Variants in ROBO4 observed in about 807,000 individuals in gnomAD.
The protein encoded by ROBO4 is roundabout guidance receptor 4, also known as roundabout homolog 4.
Under a neutral mutation model 103.3 loss-of-function variants are expected in ROBO4, and 80 were observed. The ratio of observed to expected loss-of-function variants is 0.77; its 90% CI spans 0.65 to 0.93. ROBO4 has a LOEUF of 0.93. Among genes scored for constraint, ROBO4 ranks in the 40% least tolerant of loss-of-function variants. The probability of loss-of-function intolerance (pLI) is 0.00; values close to 1 mark genes in which losing one functional copy is unlikely to be tolerated. For missense variants in ROBO4, 1,333 were observed against 1,305.3 expected, an observed-to-expected ratio of 1.02 and a Z score of -0.33; for synonymous variants, 504 against 529.7, an observed-to-expected ratio of 0.95 and a Z score of 0.67.
rs762540623 is a variant in ROBO4, at chr11:124,894,318, C to T, written c.1201G>A (p.Gly401Ser). Residue 401 changes from glycine to serine, a missense_variant, in exon 8 of 18, where the codon GGT (glycine) becomes AGT (serine). Coordinates refer to ENST00000306534, the MANE Select transcript of ROBO4 (RefSeq NM_019055.6). The part of the protein sequence containing the change: ...SLPPANWTVV[G>S]EQTQLEIATH... ...GCGATTTCCAGCTGGGTCTGCTCAC[C>T]AACTACAGTCCAGTTGGCTGGTGGC... 6 of 1,613,882 alleles carry T rather than the reference C, an allele frequency of 3.7e-6. No individual in the cohort carries two copies. In the Admixed American group the frequency reaches 6.7e-5, roughly 18 times the overall value.
At chr11:124,897,349 C>A in intron 1 of ROBO4, 88 bp from the exon 2 acceptor site, 2 of 1,045,302 alleles carry the variant, frequency 1.9e-6, no homozygotes, top group Non-Finnish European at 2.7e-6. Context: ...CTCTTGTGTG[C>A]GAGTTTGCCA....
intron 10 of ROBO4, chr11:124,892,166 C>G (rs1031580181): frequency 4.0e-5 from 17 of 422,626 alleles, no homozygotes; most frequent in Non-Finnish European, 6.9e-5. Flanking sequence ...GTAAGTACAT[C>G]CTCTCTAAGC....
At chr11:124,891,265 C>G in intron 12 of ROBO4, 34 bp downstream of exon 12, 1 of 1,499,878 alleles carries the variant, frequency 6.7e-7, no homozygotes, top group Non-Finnish European at 8.9e-7. Flanking sequence ...CGCCTACCAC[C>G]AGCTCAGTCT....
chr11:124,896,549 A>G lies in ROBO4; in HGVS notation c.522T>C (p.Asp174=). 3.1e-6 allele frequency: 5 copies of G among 1,614,116 alleles called. No individual in the cohort carries two copies. The highest frequency in any genetic ancestry group is 2.5e-6 in the Non-Finnish European group (3 of 1,180,012). ...CGGGCTGGAGGGCCAGGGGTTTCCCATCTTTCCACCATGAGACTGTGGGCT... is the reference window on the plus strand; with the variant it reads ...CGGGCTGGAGGGCCAGGGGTTTCCCGTCTTTCCACCATGAGACTGTGGGCT... ...HPEPTVSWWK[D]GKPLALQPGR... Residue 174 remains aspartate (D), a synonymous_variant, in exon 3 of 18, where the codon GAT becomes GAC. Transcript: ENST00000306534.
chr11:124,896,038 A>C lies in ROBO4; in HGVS notation c.680-126T>G, dbSNP rs868861945. On this transcript the variant is annotated intron_variant, in intron 4 of 17. Transcript: ENST00000306534. ...CTCCCAGAGTCTCCAGGTCTTGAGC[A>C]TTCCGATTTCTACTCTAGCAGGGGG... is the stretch of plus-strand genomic sequence containing the variant. The C allele has an allele frequency of 6.5e-6, 10 of 1,529,476 alleles. 1 individual carries two copies. In the African/African-American group the frequency reaches 1.2e-4, roughly 19 times the overall value. The allele number at this position is 1,529,476 out of a possible 1,614,324, so 94.7% of individuals were successfully genotyped here.
intron 11 of ROBO4, 41 bp downstream of exon 11, chr11:124,891,625 C>T (rs199850164): frequency 5.6e-6 from 9 of 1,614,102 alleles, no homozygotes; most frequent in Non-Finnish European, 6.8e-6. Flanking sequence ...CCTGAGATCA[C>T]TGCCCCCAGC....
chr11:124,895,959 A>G lies in ROBO4; in HGVS notation c.680-47T>C, dbSNP rs779336813. 5 of 1,608,458 alleles carry G rather than the reference A, an allele frequency of 3.1e-6. No homozygotes were observed. In the East Asian group the frequency reaches 8.9e-5, roughly 29 times the overall value. On this transcript the variant is annotated intron_variant, in intron 4 of 17. Transcript: ENST00000306534. ...GCTGGGGCTTATAGGCCAGAGTGAC[A>G]GAACTGAGGCGTGGAACATCCCTCA...
chr11:124,897,510 T>TTTCTTTCTCTCTCAGTCTCTCTTTCC (rs1224646605), intron 1 of ROBO4: 1 of 591,230 alleles, frequency 1.7e-6, no homozygotes, highest in African/African-American at 1.9e-5. Flanking sequence ...TCTCTCTTTC[T>TTTCTTTCTCTCTCAGTCTCTCTTTCC]TTCTTTCTCT....
chr11:124,891,352 G>A lies in ROBO4; in HGVS notation c.1895C>T (p.Ser632Phe), dbSNP rs1463214202. ...DSLCSRRGLS[S>F]PRLSLAPAEA... ...TGCAGGGGCCAGAGACAAGCGGGGAGAAGAGAGTCCCCTGCGGCTGCAGAG... is the reference window on the plus strand; with the variant it reads ...TGCAGGGGCCAGAGACAAGCGGGGAAAAGAGAGTCCCCTGCGGCTGCAGAG... The change falls in exon 12 of 18, where the codon TCT (serine) becomes TTT (phenylalanine). Residue 632 changes from serine to phenylalanine, a missense_variant. Transcript: ENST00000306534. The A allele has an allele frequency of 1.9e-6, 3 of 1,540,298 alleles. No homozygotes were observed. The highest frequency in any genetic ancestry group is 2.6e-6 in the Non-Finnish European group (3 of 1,145,014).
rs200862729 is a variant in ROBO4 at position 124,897,712 on chromosome 11, G to A, written c.70+14C>T. On this transcript the variant is annotated intron_variant, in intron 1 of 17. Coordinates refer to ENST00000306534, the MANE Select transcript of ROBO4 (RefSeq NM_019055.6). ...GATGGAGGAGCATGGGCCAGGAGAG[G>A]GAGAGCAACTCACCCATGATGAGCA... 1.1e-3 allele frequency: 1,762 copies of A among 1,613,340 alleles called. 2 individuals carry two copies. The highest frequency in any genetic ancestry group is 1.3e-3 in the Non-Finnish European group (1,568 of 1,179,316).
chr11:124,890,026 C>T (rs1395288212), intron 12 of ROBO4, among the ~76,000 whole-genome samples: 2 of 152,196 alleles, frequency 1.3e-5, no homozygotes. Flanking sequence ...TTCTTAAGAA[C>T]TGGCTGTAGA....
rs1202209086 is a variant in ROBO4, at chr11:124,896,597, A to C, written c.474T>G (p.Cys158Trp). 2.5e-6 allele frequency: 4 copies of C among 1,613,976 alleles called. No individual in the cohort carries two copies. The highest frequency in any genetic ancestry group is 3.4e-6 in the Non-Finnish European group (4 of 1,179,990). Reference sequence around the variant, plus strand: ...GCTCTGGGTGGCCCCAGGGCGGCCCACATTCCAGAGTAAACTGCTCACCCA... The same window carrying C: ...GCTCTGGGTGGCCCCAGGGCGGCCCCCATTCCAGAGTAAACTGCTCACCCA... Reference protein sequence around the residue: ...AVVGEQFTLECGPPWGHPEPT... With the variant: ...AVVGEQFTLEWGPPWGHPEPT... The change falls in exon 3 of 18, where the codon TGT (cysteine) becomes TGG (tryptophan). Residue 158 changes from cysteine to tryptophan, a missense_variant. Cys to Trp is a radical substitution (Grantham distance 215, BLOSUM62 -2). Transcript: ENST00000306534.
chr11:124,893,916 A>G lies in ROBO4; in HGVS notation c.1448T>C (p.Leu483Pro), dbSNP rs763094460. The part of the protein sequence containing the change: ...TCGVALWLLL[L>P]GTAVCIHRRR... ...GCGGTGGATACACACGGCGGTGCCC[A>G]GAAGCAGCAGCCAGAGTGCAACACC... is the stretch of plus-strand genomic sequence containing the variant. Residue 483 changes from leucine (L) to proline (P), a missense_variant, in exon 9 of 18, where the codon CTG (leucine) becomes CCG (proline). By Grantham distance (98) the Leu-to-Pro change is moderately conservative. Transcript: ENST00000306534. The G allele has an allele frequency of 5.6e-6, 9 of 1,612,008 alleles. No homozygotes were observed. In the East Asian group the frequency reaches 1.6e-4, roughly 28 times the overall value.
chr11:124,897,616 C>A, intron 1 of ROBO4, 110 bp downstream of exon 1: 1 of 877,792 alleles, frequency 1.1e-6, no homozygotes, highest in South Asian at 1.4e-5. Flanking sequence ...TCCTCATCCT[C>A]ATCTCTGGTC....
intron 12 of ROBO4, 118 bp from the exon 13 acceptor site, chr11:124,887,958 AG>A: frequency 2.6e-6 from 2 of 782,722 alleles, no homozygotes; most frequent in Non-Finnish European, 4.0e-6. Flanking sequence ...CAGAGAAAAG[AG>A]GGGGAACCCC....
In ROBO4 at chr11:124,893,959, C is replaced by T; in HGVS notation, c.1405G>A (p.Glu469Lys). 2 of 1,603,924 alleles carry T rather than the reference C, an allele frequency of 1.2e-6. No homozygotes were observed. Among genetic ancestry groups the T allele is most frequent in the Non-Finnish European group, 1.7e-6 (2 of 1,176,258 alleles). Reference sequence around the variant, plus strand: ...GCAACACCGCAGGTGGCAATGACCTCAGGCCGCTTCAAGGTAGCCCTCAGC... The same window carrying T: ...GCAACACCGCAGGTGGCAATGACCTTAGGCCGCTTCAAGGTAGCCCTCAGC... Reference protein sequence around the residue: ...EQLRATLKRPEVIATCGVALW... With the variant: ...EQLRATLKRPKVIATCGVALW... The change falls in exon 9 of 18, where the codon GAG becomes AAG. Residue 469 changes from glutamate to lysine, a missense_variant. Physicochemically the swap from Glu to Lys is moderately conservative, Grantham distance 56. Coordinates refer to ENST00000306534, the MANE Select transcript of ROBO4 (RefSeq NM_019055.6).
chr11:124,891,277 T>C, intron 12 of ROBO4, 22 bp downstream of exon 12: 1 of 1,513,866 alleles, frequency 6.6e-7, no homozygotes, highest in Non-Finnish European at 8.8e-7. Flanking sequence ...GCTCAGTCTA[T>C]GTCTATTCTC....
intron 6 of ROBO4, 88 bp from the exon 7 acceptor site, chr11:124,895,281 C>T: frequency 8.2e-6 from 10 of 1,216,826 alleles, no homozygotes; most frequent in Non-Finnish European, 1.2e-5. Flanking sequence ...GCGTCAGAAC[C>T]CTACTGAAGA....
At chr11:124,893,604 G>C (rs1946831994) in intron 10 of ROBO4, 84 bp downstream of exon 10, 1 of 1,251,674 alleles carries the variant, frequency 8.0e-7, no homozygotes, top group Non-Finnish European at 1.2e-6. Flanking sequence ...CTGGCAGGTA[G>C]ACTAGTACTC....
Sources: allele counts gnomAD v4.1 joint callset (sites outside exome capture counted in the v4.1 genomes callset), GRCh38; gene constraint gnomAD v4.1.1; transcripts MANE v1.5; gene names NCBI Gene and HGNC (gene_info 2026-07-23, HGNC 2026-07-21).